The following PTPRF variants were observed in gnomAD, a reference collection of about 807,000 sequenced individuals.
The protein encoded by PTPRF is protein tyrosine phosphatase receptor type F, also known as receptor-type tyrosine-protein phosphatase F.
A neutral mutation model predicts 201.8 loss-of-function variants in PTPRF; 59 were observed. That is an observed-to-expected ratio of 0.29 (90% CI 0.24 to 0.36). The LOEUF (loss-of-function observed/expected upper bound fraction) is 0.36, where lower values mean the gene tolerates loss of function less well. Among genes scored for constraint, PTPRF ranks in the 10% least tolerant of loss-of-function variants. The pLI is 1.00. For synonymous variants in PTPRF, 1,088 were observed against 1,089.7 expected, an observed-to-expected ratio of 1.00 and a Z score of 0.03; for missense variants, 2,132 against 2,690.5, an observed-to-expected ratio of 0.79 and a Z score of 4.59.
At chr1:43,605,040 C>G (rs760595682) in intron 17 of PTPRF, 40 bp downstream of exon 17, 1 of 1,598,228 alleles carries the variant, frequency 6.3e-7, no homozygotes, top group Non-Finnish European at 8.6e-7. Context: ...GGCACACACA[C>G]AGGCCTGCTG....
intron 5 of PTPRF, among the ~76,000 whole-genome samples, chr1:43,563,796 CAA>C (rs1276672150): frequency 6.6e-6 from 1 of 152,168 alleles, no homozygotes; most frequent in Non-Finnish European, 1.5e-5. Context: ...GAATGGATGA[CAA>C]GAGTCTCCCT....
intron 5 of PTPRF, among the ~76,000 whole-genome samples, chr1:43,559,739 C>CTG (rs137874262): frequency 0.014 from 1,739 of 124,542 alleles, 10 homozygotes; most frequent in African/African-American, 0.016. Flanking sequence ...GTATCAGGCT[C>CTG]TGTGTGTGTG....
At chr1:43,532,060 T>A (rs1379368787) in intron 1 of PTPRF, among the ~76,000 whole-genome samples, 3 of 152,204 alleles carry the variant, frequency 2.0e-5, no homozygotes, top group African/African-American at 7.2e-5. Flanking sequence ...TCCCTGTCCC[T>A]GAGTCTGTTC....
chr1:43,550,553 T>G (rs1021868821), intron 3 of PTPRF, among the ~76,000 whole-genome samples: 2 of 152,188 alleles, frequency 1.3e-5, no homozygotes, highest in Admixed American at 6.5e-5. Flanking sequence ...CACCCCTGGG[T>G]GCCAGGAACT....
At chr1:43,558,527 G>C (rs1325710881) in intron 5 of PTPRF, among the ~76,000 whole-genome samples, 1 of 152,220 alleles carries the variant, frequency 6.6e-6, no homozygotes, top group Non-Finnish European at 1.5e-5. Flanking sequence ...GCTGGCCGGG[G>C]TGAGCCTGTC....
rs757603415 is a variant in PTPRF, at chr1:43,622,142, G to A, written c.*139G>A. On this transcript the variant is annotated 3_prime_UTR_variant, in exon 34 of 34. Transcript: ENST00000359947. The stretch of plus-strand genomic sequence containing the variant: ...GAGCACAGCCCACGGGGATCACAGC[G>A]TTTCAGGAACGTTGCCACACCAATC... 34 of 895,606 alleles carry A rather than the reference G, an allele frequency of 3.8e-5. No individual in the cohort carries two copies. Among genetic ancestry groups the A allele is most frequent in the South Asian group, 1.2e-4 (8 of 64,902 alleles). The allele number at this position is 895,606 out of a possible 1,614,324, so 55.5% of individuals were successfully genotyped here. A position where few individuals can be genotyped will look rare whatever the true frequency, so the allele number is the denominator to read the frequency against.
In PTPRF at chr1:43,553,589, C is replaced by T. The variant is rs570007248; in HGVS notation, c.189C>T (p.Arg63=). ...VCQATGEPKP[R]ITWMKKGKKV... Reference sequence around the variant, plus strand: ...AAGCTACAGGAGAACCCAAGCCGCGCATCACATGGATGAAGAAGGGGAAGA... The same window carrying T: ...AAGCTACAGGAGAACCCAAGCCGCGTATCACATGGATGAAGAAGGGGAAGA... Residue 63 remains arginine (R), a synonymous_variant, in exon 4 of 34, where the codon CGC becomes CGT. Coordinates refer to ENST00000359947, the MANE Select transcript of PTPRF (RefSeq NM_002840.5). This position sits in a 1 kb window ranked among gnomAD's most constrained non-coding sequence, Gnocchi z 4.1. 1.9e-6 allele frequency: 3 copies of T among 1,614,188 alleles called. No individual in the cohort carries two copies. The highest frequency in any genetic ancestry group is 1.3e-5 in the African/African-American group (1 of 75,056).
chr1:43,578,621 G>T (rs1429868999), intron 6 of PTPRF, among the ~76,000 whole-genome samples, 189 bp from the exon 7 acceptor site: 1 of 152,192 alleles, frequency 6.6e-6, no homozygotes, highest in Non-Finnish European at 1.5e-5. Context: ...ACAACCGTTG[G>T]TTCTAGACAG....
intron 21 of PTPRF, 102 bp downstream of exon 21, chr1:43,607,070 G>A: frequency 6.8e-7 from 1 of 1,467,952 alleles, no homozygotes; most frequent in East Asian, 2.3e-5. Context: ...CTTGCATCCT[G>A]GACCCTGAGC....
chr1:43,580,586 A>G (rs766769116), intron 7 of PTPRF, among the ~76,000 whole-genome samples: 1 of 152,244 alleles, frequency 6.6e-6, no homozygotes, highest in African/African-American at 2.4e-5. Flanking sequence ...CAAATGGCCT[A>G]GAGGAGTGGA....
chr1:43,621,389 T>G (rs894568860), intron 33 of PTPRF, among the ~76,000 whole-genome samples, 157 bp downstream of exon 33: 3 of 152,222 alleles, frequency 2.0e-5, no homozygotes, highest in Non-Finnish European at 4.4e-5. Context: ...GTGCTTATGG[T>G]CCTACCTACT....
chr1:43,577,786 G>T (rs1647025781), intron 6 of PTPRF, among the ~76,000 whole-genome samples: 2 of 152,172 alleles, frequency 1.3e-5, no homozygotes, highest in African/African-American at 4.8e-5. Flanking sequence ...TCCTGTGGGG[G>T]TTCTTAACTG....
chr1:43,600,755 CCTT>C lies in PTPRF; in HGVS notation c.2314-1312_2314-1310del, dbSNP rs3838477. On this transcript the variant is annotated intron_variant, in intron 13 of 33. Transcript: ENST00000359947. ...CCTCTCGTGGCCTGCATTTCTCTCT[CCTT>C]CTTGGAGTCTCTGTTTTTGTCTTGC... is the stretch of plus-strand genomic sequence containing the variant. Among the ~76,000 whole-genome samples, 606 of 152,224 alleles carry C rather than the reference CCTT, an allele frequency of 4.0e-3. 24 individuals are homozygous for C. In the East Asian group the frequency reaches 0.096, roughly 24 times the overall value.
At chr1:43,577,941 A>C (rs1008552589) in intron 6 of PTPRF, among the ~76,000 whole-genome samples, 3 of 152,120 alleles carry the variant, frequency 2.0e-5, no homozygotes, top group African/African-American at 7.2e-5. Flanking sequence ...TGGTGGGGCC[A>C]GGGGACGGCC....
upstream of PTPRF, among the ~76,000 whole-genome samples, chr1:43,526,077 A>G (rs112931404): frequency 5.9e-3 from 897 of 152,028 alleles, 6 homozygotes; most frequent in African/African-American, 0.021. Context: ...GTGGACGGGG[A>G]ATAGAGAGCA....
intron 2 of PTPRF, among the ~76,000 whole-genome samples, chr1:43,541,656 A>G (rs1178750082): frequency 2.0e-5 from 3 of 152,230 alleles, no homozygotes; most frequent in Non-Finnish European, 4.4e-5. Flanking sequence ...TCATACAGGA[A>G]AGAACATTTT....
Position 43,537,537 on chromosome 1 carries a change from C to T in PTPRF, c.-125-661C>T, listed in dbSNP as rs1005157170. On this transcript the variant is annotated intron_variant, in intron 1 of 33. Coordinates refer to ENST00000359947, the MANE Select transcript of PTPRF (RefSeq NM_002840.5). This position sits in a 1 kb window ranked among gnomAD's most constrained non-coding sequence, Gnocchi z 4.8. ...CGGAAATGAGCTGGGCAGCCACAGT[C>T]CATGCTCCTATCAAGCTTATGGTAG... Among the ~76,000 whole-genome samples, 1 of 152,196 alleles carries T rather than the reference C, an allele frequency of 6.6e-6. No homozygotes were observed. Among genetic ancestry groups the T allele is most frequent in the East Asian group, 1.9e-4 (1 of 5,198 alleles).
intron 5 of PTPRF, among the ~76,000 whole-genome samples, chr1:43,564,594 G>A (rs1334295775): frequency 1.3e-5 from 2 of 152,126 alleles, no homozygotes; most frequent in Non-Finnish European, 2.9e-5. Context: ...GTTTCTCCAT[G>A]TATATTTCTG....
chr1:43,600,405 G>T lies in PTPRF; in HGVS notation c.2313+1492G>T, dbSNP rs187816013. ...TTTAGTCTCAGACATCCCATCATGG[G>T]GGCGGTAACTCGAGTCTGGGCTCCC... is the stretch of plus-strand genomic sequence containing the variant. On this transcript the variant is annotated intron_variant, in intron 13 of 33. Coordinates refer to ENST00000359947, the MANE Select transcript of PTPRF (RefSeq NM_002840.5). Among the ~76,000 whole-genome samples, 18 of 152,198 alleles carry T rather than the reference G, an allele frequency of 1.2e-4. No homozygotes were observed. The East Asian group carries it at 3.5e-3, about 29-fold the overall frequency.
Sources: gnomAD v4.1 joint callset for allele counts (sites outside exome capture counted in the v4.1 genomes callset) on GRCh38, gnomAD v4.1.1 for gene constraint, Gnocchi (gnomAD v3.1) non-coding constraint, MANE v1.5 for transcripts, NCBI Gene and HGNC (gene_info 2026-07-23, HGNC 2026-07-21) for gene names.